UMAD1: variants seen among roughly 807,000 people sequenced by gnomAD.
UMAD1 encodes UBAP1-MVB12-associated (UMA)-domain containing protein 1.
UMAD1 carries 8 observed loss-of-function variants against 6.1 expected under a neutral mutation model. The ratio of observed to expected loss-of-function variants is 1.30; its 90% CI spans 0.76 to 2.35. The LOEUF is 2.35. Ranked by LOEUF, UMAD1 falls within the 30% of genes most tolerant of loss-of-function variation. The probability of loss-of-function intolerance (pLI) is 0.00; values close to 1 mark genes in which losing one functional copy is unlikely to be tolerated. For missense variants in UMAD1, 130 were observed against 78.4 expected (o/e 1.66, Z -2.49); for synonymous variants, 56 against 31.4 (o/e 1.78, Z -2.61).
At chr7:7,826,763 CA>C (rs1218338781) in intron 3 of UMAD1, among the ~76,000 whole-genome samples, 2 of 152,086 alleles carry the variant, frequency 1.3e-5, no homozygotes, top group Non-Finnish European at 2.9e-5. Context: ...CTATATCTAT[CA>C]GCAAGGAAGG....
chr7:7,730,883 A>C (rs1229734922), intron 2 of UMAD1, among the ~76,000 whole-genome samples: 1 of 152,238 alleles, frequency 6.6e-6, no homozygotes, highest in Non-Finnish European at 1.5e-5. Context: ...GAGTGGAAGC[A>C]GTGGCGGGAA....
intron 1 of UMAD1, among the ~76,000 whole-genome samples, chr7:7,671,013 G>A (rs558364241): frequency 2.6e-5 from 4 of 152,262 alleles, no homozygotes; most frequent in Non-Finnish European, 5.9e-5. Flanking sequence ...GGCTACAACG[G>A]AAATGGGCAC....
chr7:7,798,078 C>T (rs771170074), intron 2 of UMAD1, among the ~76,000 whole-genome samples: 1 of 152,122 alleles, frequency 6.6e-6, no homozygotes, highest in South Asian at 2.1e-4. Context: ...TTTTTGTAAA[C>T]AAAATTTTAT....
At chr7:7,794,570 A>G (rs1001916754) in intron 2 of UMAD1, among the ~76,000 whole-genome samples, 2 of 152,202 alleles carry the variant, frequency 1.3e-5, no homozygotes, top group Non-Finnish European at 2.9e-5. Flanking sequence ...TTTAGGAGCA[A>G]CTGACTAGCA....
At chr7:7,679,840 C>T (rs1779864384) in intron 2 of UMAD1, among the ~76,000 whole-genome samples, 1 of 151,284 alleles carries the variant, frequency 6.6e-6, no homozygotes, top group Non-Finnish European at 1.5e-5. Context: ...GCTGGGATTA[C>T]AGGCGTGAGC....
intron 2 of UMAD1, among the ~76,000 whole-genome samples, chr7:7,728,929 A>T (rs62432610): frequency 0.11 from 17,354 of 152,228 alleles, 1,068 homozygotes; most frequent in African/African-American, 0.16. Context: ...CCCTCATAGA[A>T]CTGACAGTCC....
intron 3 of UMAD1, among the ~76,000 whole-genome samples, chr7:7,844,628 T>C (rs927391167): frequency 7.9e-5 from 12 of 152,184 alleles, no homozygotes; most frequent in African/African-American, 2.7e-4. Context: ...ATTTTTCTTA[T>C]CTTTTTTCCA....
At position 7,828,124 on chromosome 7, in the gene UMAD1, T is replaced by A. The variant is rs1210159849; in HGVS notation, c.156+26381T>A. Among the ~76,000 whole-genome samples, 5 of 152,194 alleles carry A rather than the reference T, an allele frequency of 3.3e-5. No homozygotes were observed. In the East Asian group the frequency reaches 9.6e-4, roughly 29 times the overall value. ...GTTTGTGAAAATACTTATGAAAACC[T>A]TTCATCAATTTCAAAATATCTTCAC... On this transcript the variant is annotated intron_variant, in intron 3 of 3. Coordinates refer to ENST00000682710, the MANE Select transcript of UMAD1 (RefSeq NM_001302348.2).
At chr7:7,790,211 C>T (rs1325919663) in intron 2 of UMAD1, among the ~76,000 whole-genome samples, 1 of 152,184 alleles carries the variant, frequency 6.6e-6, no homozygotes, top group Non-Finnish European at 1.5e-5. Flanking sequence ...AAGTCAGACT[C>T]TCTTGTGAGA....
At chr7:7,801,542 A>T (rs954983866) in intron 2 of UMAD1, 128 bp from the exon 3 acceptor site, 6 of 593,176 alleles carry the variant, frequency 1.0e-5, no homozygotes, top group African/African-American at 9.3e-5. Context: ...CTTTGAAACA[A>T]GGGAAATAGT....
rs1391335844 is a variant in UMAD1, at chr7:7,830,946, T to G, written c.156+29203T>G. Among the ~76,000 whole-genome samples, 3 of 152,154 alleles carry G rather than the reference T, an allele frequency of 2.0e-5. No homozygotes were observed. The highest frequency in any genetic ancestry group is 4.4e-5 in the Non-Finnish European group (3 of 68,016). ...CCTCATGTGGCTACAAGAATATTTT[T>G]TAATTATAAAAAATATACCAGTCCT... On this transcript the variant is annotated intron_variant, in intron 3 of 3. Transcript: ENST00000682710. The surrounding 1 kb of genome is among the most constrained non-coding windows in gnomAD (Gnocchi z 5.3).
At chr7:7,715,077 T>C (rs565240344) in intron 2 of UMAD1, 19 of 152,008 alleles carry the variant, frequency 1.2e-4, no homozygotes, top group African/African-American at 4.6e-4. Flanking sequence ...AAAAAAATAC[T>C]TTTTTTTAGT....
At chr7:7,846,401 A>G (rs1329541917) in intron 3 of UMAD1, among the ~76,000 whole-genome samples, 4 of 152,136 alleles carry the variant, frequency 2.6e-5, no homozygotes, top group Admixed American at 2.0e-4. Flanking sequence ...CTTATTTTCC[A>G]TAGATACGTA....
chr7:7,851,208 C>A (rs1247028845), intron 3 of UMAD1, among the ~76,000 whole-genome samples: 2 of 152,072 alleles, frequency 1.3e-5, no homozygotes, highest in East Asian at 3.8e-4. Flanking sequence ...TTTCAAGGGT[C>A]ATCCTTGTTG....
chr7:7,776,072 A>G (rs1325038865), intron 2 of UMAD1, among the ~76,000 whole-genome samples: 1 of 152,192 alleles, frequency 6.6e-6, no homozygotes, highest in Non-Finnish European at 1.5e-5. Flanking sequence ...AAACAAAACT[A>G]TTTTAAAAAA....
chr7:7,737,535 G>C (rs1365140609), intron 2 of UMAD1, among the ~76,000 whole-genome samples: 1 of 150,666 alleles, frequency 6.6e-6, no homozygotes, highest in Non-Finnish European at 1.5e-5. Context: ...ACAAACTACT[G>C]CCACAGCATG....
At chr7:7,865,706 C>G (rs114099478) in intron 3 of UMAD1, among the ~76,000 whole-genome samples, 1,930 of 152,276 alleles carry the variant, frequency 0.013, 49 homozygotes, top group African/African-American at 0.044. Flanking sequence ...TCCATTGTCC[C>G]CAAGCATAGG....
In UMAD1 at chr7:7,835,462, C is replaced by CTTTTTTTTTTTTTTTTT. The variant is rs150411259; in HGVS notation, c.156+33741_156+33757dup. On this transcript the variant is annotated intron_variant, in intron 3 of 3. Coordinates refer to ENST00000682710, the MANE Select transcript of UMAD1 (RefSeq NM_001302348.2). ...CATTCATTCACTCATTGAAACAGCACTTTTTTTTTTTTTTTTTTTTTTTTT... is the reference window on the plus strand; with the variant it reads ...CATTCATTCACTCATTGAAACAGCACTTTTTTTTTTTTTTTTTTTTTTTTTTTTTTTTTTTTTTTTTT... Among the ~76,000 whole-genome samples the CTTTTTTTTTTTTTTTTT allele has an allele frequency of 2.7e-4, 9 of 33,654 alleles. 2 individuals are homozygous for CTTTTTTTTTTTTTTTTT. Among genetic ancestry groups the CTTTTTTTTTTTTTTTTT allele is most frequent in the Non-Finnish European group, 4.0e-4 (7 of 17,668 alleles). 22.1% of individuals were successfully genotyped at this position (33,654 alleles called of 152,430 possible). A position where few individuals can be genotyped will look rare whatever the true frequency, so the allele number is the denominator to read the frequency against.
Position 7,830,800 on chromosome 7 carries a change from A to T in UMAD1, c.156+29057A>T, listed in dbSNP as rs571766505. On this transcript the variant is annotated intron_variant, in intron 3 of 3. Coordinates refer to ENST00000682710, the MANE Select transcript of UMAD1 (RefSeq NM_001302348.2). This position sits in a 1 kb window ranked among gnomAD's most constrained non-coding sequence, Gnocchi z 5.3. ...TTTACTTGCCGATCTTGTATCTTTC[A>T]GTACTGGATAAGTGAAGTGAATGTA... is the stretch of plus-strand genomic sequence containing the variant. 1.3e-5 allele frequency among the ~76,000 whole-genome samples: 2 copies of T among 152,168 alleles called. No homozygotes were observed. The highest frequency in any genetic ancestry group is 1.9e-4 in the East Asian group (1 of 5,202).
Sources: gnomAD v4.1 joint callset for allele counts (sites outside exome capture counted in the v4.1 genomes callset) on GRCh38, gnomAD v4.1.1 for gene constraint, Gnocchi (gnomAD v3.1) non-coding constraint, MANE v1.5 for transcripts, NCBI Gene and HGNC (gene_info 2026-07-23, HGNC 2026-07-21) for gene names.